The following NEMF variants were observed in gnomAD, a reference collection of about 807,000 sequenced individuals.
The protein encoded by NEMF is ribosome quality control complex subunit NEMF.
A neutral mutation model predicts 162.2 loss-of-function variants in NEMF; 89 were observed. That is an observed-to-expected ratio of 0.55 (90% CI 0.46 to 0.65). The LOEUF is 0.65. NEMF is among the 30% of genes least tolerant of loss of function. NEMF has a pLI of 0.00. For synonymous variants in NEMF, 421 were observed against 404.5 expected, an observed-to-expected ratio of 1.04 and a Z score of -0.49; for missense variants, 1,133 against 1,261.9, an observed-to-expected ratio of 0.90 and a Z score of 1.55.
intron 15 of NEMF, among the ~76,000 whole-genome samples, chr14:49,826,467 A>C (rs979284071): frequency 1.7e-4 from 26 of 151,876 alleles, no homozygotes; most frequent in African/African-American, 6.3e-4. Context: ...TCTCTGAGGA[A>C]ATGACATTTA....
At chr14:49,832,184 T>C (rs777547274) in intron 9 of NEMF, 23 bp downstream of exon 9, 3 of 1,601,072 alleles carry the variant, frequency 1.9e-6, no homozygotes, top group East Asian at 2.2e-5. Context: ...CCAAAGCAAA[T>C]TGACCCATGC....
chr14:49,851,863 C>A lies in NEMF; in HGVS notation c.72G>T (p.Met24Ile). 1 of 1,580,790 alleles carries A rather than the reference C, an allele frequency of 6.3e-7. No individual in the cohort carries two copies. The highest frequency in any genetic ancestry group is 1.1e-5 in the South Asian group (1 of 87,098). Residue 24 changes from methionine to isoleucine, a missense_variant, in exon 2 of 33, where the codon ATG (methionine) becomes ATT (isoleucine). Coordinates refer to ENST00000298310, the MANE Select transcript of NEMF (RefSeq NM_004713.6). The part of the protein sequence containing the change: ...LAELNASLLG[M>I]RVNNVYDVDN... ...CCACATCATAAACATTGTTTACTCT[C>A]ATTCCTAGCAAGCTGCAAAGATAAA... is the stretch of plus-strand genomic sequence containing the variant.
At chr14:49,788,228 GA>G (rs1374024720) in intron 28 of NEMF, among the ~76,000 whole-genome samples, 1 of 124,968 alleles carries the variant, frequency 8.0e-6, no homozygotes, top group Non-Finnish European at 1.6e-5. Context: ...GCAGTGAGCT[GA>G]GATTGTGCCA....
chr14:49,790,352 A>G (rs948734133), intron 26 of NEMF, among the ~76,000 whole-genome samples: 6 of 152,206 alleles, frequency 3.9e-5, no homozygotes, highest in African/African-American at 1.4e-4. Flanking sequence ...AACTAGAAAG[A>G]CAGGACAAAC....
At chr14:49,844,775 T>A (rs747402136) in intron 4 of NEMF, 35 of 350,006 alleles carry the variant, frequency 1.0e-4, no homozygotes, top group African/African-American at 4.4e-4. Context: ...ATATATTTTT[T>A]TTTTCCTTTT....
At chr14:49,825,663 G>C (rs1247070599) in intron 16 of NEMF, among the ~76,000 whole-genome samples, 1 of 152,168 alleles carries the variant, frequency 6.6e-6, no homozygotes, top group Non-Finnish European at 1.5e-5. Flanking sequence ...CAGAGCCCAG[G>C]AGGTCAATGC....
chr14:49,851,415 C>A, intron 3 of NEMF, 148 bp downstream of exon 3: 1 of 602,096 alleles, frequency 1.7e-6, no homozygotes, highest in Non-Finnish European at 2.9e-6. Context: ...AATAAATATT[C>A]ACTTTATTCA....
At chr14:49,829,680 T>C (rs748485628) in intron 11 of NEMF, among the ~76,000 whole-genome samples, 2 of 152,232 alleles carry the variant, frequency 1.3e-5, no homozygotes, top group African/African-American at 4.8e-5. Flanking sequence ...GTATATAAGA[T>C]ATACCCCTAA....
In NEMF at chr14:49,840,729, A is replaced by G. The variant is rs765272272; in HGVS notation, c.495T>C (p.Leu165=). The change falls in exon 5 of 33, where the codon CTT becomes CTC. Residue 165 remains leucine (L), a synonymous_variant. Coordinates refer to ENST00000298310, the MANE Select transcript of NEMF (RefSeq NM_004713.6). The part of the protein sequence containing the change: ...LDHARAAEPL[L]TLERLTEIVA... The stretch of plus-strand genomic sequence containing the variant: ...ACAAAACACTTTACCTTTCCAAAGT[A>G]AGCAAAGGTTCAGCAGCTCTAGCAT... The G allele has an allele frequency of 2.5e-6, 4 of 1,611,758 alleles. No homozygotes were observed. The highest frequency in any genetic ancestry group is 3.4e-6 in the Non-Finnish European group (4 of 1,179,390).
intron 4 of NEMF, among the ~76,000 whole-genome samples, chr14:49,842,629 T>C (rs1273742638): frequency 1.3e-5 from 2 of 152,218 alleles, no homozygotes; most frequent in African/African-American, 4.8e-5. Flanking sequence ...AAATGACAGG[T>C]TGCAATGTAA....
chr14:49,796,762 C>T (rs1890711100), intron 25 of NEMF, among the ~76,000 whole-genome samples: 1 of 152,188 alleles, frequency 6.6e-6, no homozygotes, highest in Admixed American at 6.5e-5. Flanking sequence ...CACTTTTAGT[C>T]CAAATTTACT....
intron 18 of NEMF, among the ~76,000 whole-genome samples, chr14:49,806,881 A>G (rs191168067): frequency 6.6e-6 from 1 of 152,354 alleles, no homozygotes; most frequent in East Asian, 1.9e-4. Context: ...AAATTGGGGT[A>G]TAATTCACAT....
At chr14:49,790,186 T>G (rs1890374694) in intron 26 of NEMF, among the ~76,000 whole-genome samples, 1 of 152,124 alleles carries the variant, frequency 6.6e-6, no homozygotes, top group Non-Finnish European at 1.5e-5. Context: ...CGTAAAAGAC[T>G]GATACATCAG....
chr14:49,817,530 AAAATAGTTAC>A (rs1229577944), intron 16 of NEMF, among the ~76,000 whole-genome samples: 1 of 152,206 alleles, frequency 6.6e-6, no homozygotes, highest in Non-Finnish European at 1.5e-5. Flanking sequence ...AAACAAGGAA[AAAATAGTTAC>A]AAGTTAGAAG....
chr14:49,845,128 C>A (rs562925608), intron 4 of NEMF, among the ~76,000 whole-genome samples: 1 of 148,422 alleles, frequency 6.7e-6, no homozygotes, highest in African/African-American at 2.5e-5. Flanking sequence ...AGTCTTGCTC[C>A]GTTGCCCAGG....
chr14:49,845,149 G>A (rs1893434804), intron 4 of NEMF, among the ~76,000 whole-genome samples: 1 of 147,002 alleles, frequency 6.8e-6, no homozygotes, highest in African/African-American at 2.5e-5. Context: ...CTGGAGCACA[G>A]TGACACAATC....
At chr14:49,828,936 AG>A (rs1405274610) in intron 13 of NEMF, 117 bp downstream of exon 13, 2 of 1,276,900 alleles carry the variant, frequency 1.6e-6, no homozygotes, top group Non-Finnish European at 2.1e-6. Context: ...AATCTAAATT[AG>A]TTTTTTCCCT....
intron 20 of NEMF, among the ~76,000 whole-genome samples, chr14:49,802,968 A>G (rs754936244): frequency 1.3e-5 from 2 of 152,142 alleles, no homozygotes; most frequent in Non-Finnish European, 2.9e-5. Flanking sequence ...TGAATATTCT[A>G]TTTTCAGAAA....
At chr14:49,798,359 T>C (rs1012860269) in intron 25 of NEMF, among the ~76,000 whole-genome samples, 3 of 152,206 alleles carry the variant, frequency 2.0e-5, no homozygotes, top group Admixed American at 6.5e-5. Context: ...CCATCACTCA[T>C]TGATTTACCA....
Sources: allele counts gnomAD v4.1 joint callset (sites outside exome capture counted in the v4.1 genomes callset), GRCh38; gene constraint gnomAD v4.1.1; transcripts MANE v1.5; gene names NCBI Gene and HGNC (gene_info 2026-07-23, HGNC 2026-07-21).